Variants in NUP205 observed in about 807,000 individuals in gnomAD.
NUP205 encodes nuclear pore complex protein Nup205.
A neutral mutation model predicts 253.8 loss-of-function variants in NUP205; 76 were observed. The observed-to-expected ratio is 0.30, with a 90% CI of 0.25 to 0.36. NUP205 has a LOEUF of 0.36. Ranked by LOEUF, NUP205 falls within the 10% of genes least tolerant of loss-of-function variation. The pLI is 1.00. For synonymous variants in NUP205, 832 were observed against 850.1 expected, an observed-to-expected ratio of 0.98 and a Z score of 0.37; for missense variants, 2,162 against 2,425.5, an observed-to-expected ratio of 0.89 and a Z score of 2.28.
In NUP205 at chr7:135,570,782, T is replaced by TA. The variant is rs1563110143; in HGVS notation, c.29-323_29-322insA. 2.1e-3 allele frequency among the ~76,000 whole-genome samples: 111 copies of TA among 51,666 alleles called. 7 individuals carry two copies. The highest frequency in any genetic ancestry group is 0.015 in the East Asian group (57 of 3,748). The allele number at this position is 51,666 out of a possible 152,430, so 33.9% of individuals were successfully genotyped here. ...TATATATTATATTAATATATATTAA[T>TA]TATATTTATATATTATATTAATATA... On this transcript the variant is annotated intron_variant, in intron 1 of 42. Transcript: ENST00000285968.
At position 135,648,422 on chromosome 7, in the gene NUP205, A is replaced by ATT; in HGVS notation, c.5905_5906insTT (p.Asn1969IlefsTer40). 1 of 1,592,566 alleles carries ATT rather than the reference A, an allele frequency of 6.3e-7. No individual in the cohort carries two copies. The highest frequency in any genetic ancestry group is 8.5e-7 in the Non-Finnish European group (1 of 1,173,314). ...CCGCTAGCTTCAGGCTGATGCAATC[A>ATT]ACGCTTTTGGAGAATCACTACAAAA... On this transcript the variant is annotated frameshift_variant, in exon 43 of 43. Coordinates refer to ENST00000285968, the MANE Select transcript of NUP205 (RefSeq NM_015135.3). LOFTEE classifies it high-confidence loss of function.
At chr7:135,644,389 G>A (rs1007265737) in intron 39 of NUP205, among the ~76,000 whole-genome samples, 5 of 152,134 alleles carry the variant, frequency 3.3e-5, no homozygotes, top group South Asian at 2.1e-4. Flanking sequence ...ACTTCAGTAC[G>A]CCTTCTGTGG....
intron 21 of NUP205, 35 bp from the exon 22 acceptor site, chr7:135,607,212 A>G: frequency 6.3e-7 from 1 of 1,598,264 alleles, no homozygotes; most frequent in South Asian, 1.1e-5. Context: ...AGCAATTCTA[A>G]AAGAAAAGTT....
chr7:135,635,575 T>C lies in NUP205; in HGVS notation c.5060-6T>C. The stretch of plus-strand genomic sequence containing the variant: ...AATATGTTTTAAAGCATTCTACATT[T>C]TATAGGAATATTAAGTGAACTTGAC... On this transcript the variant is annotated splice_polypyrimidine_tract_variant and splice_region_variant and intron_variant, in intron 35 of 42. Transcript: ENST00000285968. 6.7e-7 allele frequency: 1 copy of C among 1,499,070 alleles called. No homozygotes were observed. Among genetic ancestry groups the C allele is most frequent in the South Asian group, 1.2e-5 (1 of 85,120 alleles). The allele number at this position is 1,499,070 out of a possible 1,614,324, so 92.9% of individuals were successfully genotyped here. A position where few individuals can be genotyped will look rare whatever the true frequency, so the allele number is the denominator to read the frequency against.
intron 34 of NUP205, 89 bp downstream of exon 34, chr7:135,628,200 G>A: frequency 2.4e-6 from 3 of 1,268,126 alleles, no homozygotes; most frequent in African/African-American, 1.5e-5. Flanking sequence ...ATGCTTAAGT[G>A]AATTTACGTT....
intron 36 of NUP205, among the ~76,000 whole-genome samples, chr7:135,636,197 C>T (rs1794807511): frequency 6.6e-6 from 1 of 152,056 alleles, no homozygotes; most frequent in Admixed American, 6.5e-5. Flanking sequence ...AGCCTCTTGG[C>T]CTGGTTTGGT....
intron 35 of NUP205, among the ~76,000 whole-genome samples, chr7:135,634,569 G>A (rs973007830): frequency 6.6e-6 from 1 of 152,168 alleles, no homozygotes; most frequent in Admixed American, 6.5e-5. Context: ...TACTAACCAA[G>A]TTTTTGCTTG....
chr7:135,587,588 G>A lies in NUP205; in HGVS notation c.1232G>A (p.Arg411Lys). The A allele has an allele frequency of 6.3e-7, 1 of 1,598,252 alleles. No homozygotes were observed. The highest frequency in any genetic ancestry group is 8.5e-7 in the Non-Finnish European group (1 of 1,172,362). Residue 411 changes from arginine to lysine, a missense_variant, in exon 9 of 43, where the codon AGG becomes AAG. Physicochemically the swap from Arg to Lys is conservative, Grantham distance 26. This residue lies in a region of NUP205 where 892 missense variants were observed against 957.1 expected (regional missense o/e 0.93). Transcript: ENST00000285968. ...ALMPMKVKQL[R>K]NRADEDARMI... ...TAAATTTAATAGGTGAAACAGCTGA[G>A]GAATCGGGCAGATGAAGATGCTCGA...
chr7:135,620,225 A>C (rs1196637848), intron 30 of NUP205, among the ~76,000 whole-genome samples: 2 of 152,134 alleles, frequency 1.3e-5, no homozygotes, highest in East Asian at 3.8e-4. Flanking sequence ...CAGAGTACTT[A>C]TCTAGTTGAT....
At chr7:135,589,825 C>T (rs1431209902) in intron 10 of NUP205, among the ~76,000 whole-genome samples, 5 of 150,708 alleles carry the variant, frequency 3.3e-5, no homozygotes, top group South Asian at 2.1e-4. Context: ...CCCATTTGCA[C>T]GGGAGGCTGA....
intron 34 of NUP205, among the ~76,000 whole-genome samples, chr7:135,629,493 C>G (rs968416219): frequency 7.6e-5 from 11 of 143,808 alleles, no homozygotes; most frequent in Admixed American, 7.0e-5. Flanking sequence ...CTCTCTCTCT[C>G]TCTCTCTCTC....
rs768072571 is a variant in NUP205 at position 135,618,478 on chromosome 7, C to A, written c.3838C>A (p.Arg1280Ser). Residue 1280 changes from arginine to serine, a missense_variant, in exon 28 of 43, where the codon CGT becomes AGT. Around this residue, in one of 5 missense-constraint regions of NUP205, gnomAD observed 1,144 missense variants for 1,280.9 expected, o/e 0.89. Transcript: ENST00000285968. ...NKLLQCLHAK[R>S]HALESWRQLV... ...ATTGCTGCAGTGTCTTCATGCAAAA[C>A]GTCATGCTCTGGAGTCGTGGAGGCA... is the stretch of plus-strand genomic sequence containing the variant. 1.2e-6 allele frequency: 2 copies of A among 1,614,056 alleles called. No homozygotes were observed. The highest frequency in any genetic ancestry group is 1.7e-6 in the Non-Finnish European group (2 of 1,179,976).
At chr7:135,595,265 G>A (rs556017725) in intron 13 of NUP205, among the ~76,000 whole-genome samples, 1 of 151,792 alleles carries the variant, frequency 6.6e-6, no homozygotes, top group African/African-American at 2.4e-5. Flanking sequence ...TGTTGGCAAG[G>A]ATGGAGTGAG....
Position 135,576,316 on chromosome 7 carries a change from AGC to A in NUP205, c.391_392del (p.Ala131CysfsTer22). 2 of 1,613,702 alleles carry A rather than the reference AGC, an allele frequency of 1.2e-6. No individual in the cohort carries two copies. Among genetic ancestry groups the A allele is most frequent in the Non-Finnish European group, 1.7e-6 (2 of 1,179,670 alleles). On this transcript the variant is annotated frameshift_variant, in exon 4 of 43. Coordinates refer to ENST00000285968, the MANE Select transcript of NUP205 (RefSeq NM_015135.3). LOFTEE classifies it high-confidence loss of function. ...HFPGLTRGLV[A>X]VLLYWDGKRC... ...TTCCTGGCCTTACCAGAGGATTAGT[AGC>A]TGTTCTTCTGTACTGGGATGGAAAG...
chr7:135,645,347 G>A (rs1280374369), intron 40 of NUP205, 121 bp from the exon 41 acceptor site: 2 of 1,029,966 alleles, frequency 1.9e-6, no homozygotes, highest in African/African-American at 3.2e-5. Context: ...CTGTCTGTTA[G>A]ACTGAGGCTG....
chr7:135,573,039 G>A (rs115113222), intron 2 of NUP205, among the ~76,000 whole-genome samples: 3,777 of 147,378 alleles, frequency 0.026, 78 homozygotes, highest in South Asian at 0.078. Context: ...AGTCTTGGCT[G>A]TACCACTAGA....
At chr7:135,619,229 A>G (rs1042047424) in intron 28 of NUP205, among the ~76,000 whole-genome samples, 194 bp from the exon 29 acceptor site, 2 of 151,912 alleles carry the variant, frequency 1.3e-5, no homozygotes, top group Admixed American at 6.6e-5. Flanking sequence ...CTGTAGTCAC[A>G]GTTGCGGGAG....
intron 5 of NUP205, 126 bp downstream of exon 5, chr7:135,577,254 T>G: frequency 1.1e-6 from 1 of 927,952 alleles, no homozygotes; most frequent in Non-Finnish European, 1.6e-6. Flanking sequence ...TTGCCACTTT[T>G]CTTTTTTTTT....
At chr7:135,638,789 A>C in intron 38 of NUP205, 106 bp downstream of exon 38, 2 of 1,105,536 alleles carry the variant, frequency 1.8e-6, no homozygotes, top group Non-Finnish European at 2.7e-6. Context: ...TTTAAGTGTC[A>C]TTAATGGGAA....
Sources: allele counts gnomAD v4.1 joint callset (sites outside exome capture counted in the v4.1 genomes callset), GRCh38; gene constraint gnomAD v4.1.1; regional missense constraint gnomAD v4.1.1; transcripts MANE v1.5; gene names NCBI Gene and HGNC (gene_info 2026-07-23, HGNC 2026-07-21).